CRKL: variants seen among roughly 807,000 people sequenced by gnomAD.
The protein encoded by CRKL is crk-like protein.
A neutral mutation model predicts 23.0 loss-of-function variants in CRKL; 3 were observed. The ratio of observed to expected loss-of-function variants is 0.13; its 90% CI spans 0.06 to 0.34. CRKL has a LOEUF of 0.34. Among genes scored for constraint, CRKL ranks in the 10% least tolerant of loss-of-function variants. The pLI, the probability that CRKL is intolerant of heterozygous loss-of-function variation, is 1.00. For missense variants in CRKL, 256 were observed against 394.5 expected (o/e 0.65, Z 2.97); for synonymous variants, 188 against 160.7 (o/e 1.17, Z -1.28).
At chr22:20,938,711 C>T (rs955901991) in intron 2 of CRKL, among the ~76,000 whole-genome samples, 5 of 152,124 alleles carry the variant, frequency 3.3e-5, no homozygotes, top group Admixed American at 3.3e-4. Context: ...ATTTGCATTC[C>T]AGTATGCTTT....
At chr22:20,944,881 CT>C (rs553010493) in intron 2 of CRKL, among the ~76,000 whole-genome samples, 5 of 150,496 alleles carry the variant, frequency 3.3e-5, no homozygotes, top group Middle Eastern at 3.5e-3. Context: ...GCCCAGCTAA[CT>C]TTTTTTTGTA....
intron 1 of CRKL, among the ~76,000 whole-genome samples, chr22:20,926,498 G>C (rs1328426058): frequency 6.6e-6 from 1 of 152,124 alleles, no homozygotes; most frequent in Admixed American, 6.6e-5. Context: ...ACAAGAGAAA[G>C]GGATTAGGGT....
rs546830765 is a variant in CRKL, at chr22:20,945,242, C to A, written c.778-4469C>A. On this transcript the variant is annotated intron_variant, in intron 2 of 2. Transcript: ENST00000354336. ...TCTCCTGACCTCCTGATCTGCCTGCCTCGGCCTCCCAAAGTGCTGGGATTA... is the reference window on the plus strand; with the variant it reads ...TCTCCTGACCTCCTGATCTGCCTGCATCGGCCTCCCAAAGTGCTGGGATTA... Among the ~76,000 whole-genome samples the A allele has an allele frequency of 1.3e-4, 20 of 152,184 alleles. 1 individual carries two copies. The South Asian group carries it at 4.1e-3, about 32-fold the overall frequency.
intron 1 of CRKL, among the ~76,000 whole-genome samples, chr22:20,927,530 T>TA (rs1431082544): frequency 6.7e-5 from 10 of 149,942 alleles, no homozygotes; most frequent in Admixed American, 4.0e-4. Context: ...TTTTTTTTTT[T>TA]AACTGTGAAA....
intron 2 of CRKL, among the ~76,000 whole-genome samples, chr22:20,949,338 G>C (rs951116054): frequency 6.6e-6 from 1 of 152,120 alleles, no homozygotes; most frequent in Non-Finnish European, 1.5e-5. Context: ...TGTTGCCCAG[G>C]CTGGTCTCGA....
rs1214280019 is a variant in CRKL, at chr22:20,923,725, C to T, written c.311+5480C>T. The stretch of plus-strand genomic sequence containing the variant: ...AAGTAGCTGGGACTACAGGCGCACG[C>T]GCTACCACACCTGGCTAATTTGTGT... On this transcript the variant is annotated intron_variant, in intron 1 of 2. Coordinates refer to ENST00000354336, the MANE Select transcript of CRKL (RefSeq NM_005207.4). 5.3e-5 allele frequency among the ~76,000 whole-genome samples: 8 copies of T among 151,840 alleles called. No homozygotes were observed. The South Asian group carries it at 6.2e-4, about 12-fold the overall frequency.
At chr22:20,941,536 T>TTGTGTGTGTGTG (rs1246252249) in intron 2 of CRKL, among the ~76,000 whole-genome samples, 3 of 80,692 alleles carry the variant, frequency 3.7e-5, no homozygotes, top group African/African-American at 1.2e-4. Flanking sequence ...TATATATATT[T>TTGTGTGTGTGTG]TATGTGTGTG....
At chr22:20,947,676 A>ATTTTTTTTTTTTTTTTTTTTTTTTTTT in intron 2 of CRKL, among the ~76,000 whole-genome samples, 1 of 90,528 alleles carries the variant, frequency 1.1e-5, no homozygotes, top group Non-Finnish European at 2.1e-5. Context: ...TCTTTTTTTC[A>ATTTTTTTTTTTTTTTTTTTTTTTTTTT]TTTTTTTTTT....
At chr22:20,944,496 C>T (rs553545564) in intron 2 of CRKL, among the ~76,000 whole-genome samples, 2 of 152,256 alleles carry the variant, frequency 1.3e-5, no homozygotes, top group South Asian at 2.1e-4. Context: ...CCTCCACCTC[C>T]CTGGTTCAAG....
At position 20,950,163 on chromosome 22, in the gene CRKL, G is replaced by C. The variant is rs537609450; in HGVS notation, c.*318G>C. ...CTCATTGCTGCCCGTTTGTACATGG[G>C]ACTGATTCTGTTGTGTTCACCAGAG... On this transcript the variant is annotated 3_prime_UTR_variant, in exon 3 of 3. Transcript: ENST00000354336. The C allele has an allele frequency of 1.4e-4, 49 of 340,710 alleles. No homozygotes were observed. The highest frequency in any genetic ancestry group is 1.0e-3 in the African/African-American group (47 of 47,024). 21.1% of individuals were successfully genotyped at this position (340,710 alleles called of 1,614,324 possible).
At chr22:20,949,604 A>G in intron 2 of CRKL, 107 bp from the exon 3 acceptor site, 1 of 1,463,226 alleles carries the variant, frequency 6.8e-7, no homozygotes, top group South Asian at 1.2e-5. Flanking sequence ...CCTGTGTCTA[A>G]ATAATAATGT....
In CRKL at chr22:20,951,650, C is replaced by T. The variant is rs1046071247; in HGVS notation, c.*1805C>T. ...TACTGATCATCTGCTGTGACTGTGG[C>T]CCTGTCTGGAGGTTCCTAGGTTTTG... On this transcript the variant is annotated 3_prime_UTR_variant, in exon 3 of 3. Transcript: ENST00000354336. The T allele has an allele frequency of 2.7e-5, 6 of 225,170 alleles. No individual in the cohort carries two copies. Among genetic ancestry groups the T allele is most frequent in the Non-Finnish European group, 5.3e-5 (6 of 113,084 alleles). The allele number at this position is 225,170 out of a possible 1,614,324, so 13.9% of individuals were successfully genotyped here.
chr22:20,920,143 G>C (rs575359549), intron 1 of CRKL, among the ~76,000 whole-genome samples: 113 of 152,160 alleles, frequency 7.4e-4, no homozygotes, highest in Middle Eastern at 3.4e-3. Flanking sequence ...TTAATACCAG[G>C]CATTCATTAA....
At chr22:20,929,375 C>A (rs977225451) in intron 1 of CRKL, among the ~76,000 whole-genome samples, 11 of 151,880 alleles carry the variant, frequency 7.2e-5, no homozygotes, top group Admixed American at 5.9e-4. Flanking sequence ...CTGTGTTAGC[C>A]AGGATGGTCT....
At position 20,933,628 on chromosome 22, in the gene CRKL, A is replaced by C. The variant is rs527814078; in HGVS notation, c.312-151A>C. The C allele has an allele frequency of 2.3e-5, 15 of 644,648 alleles. No homozygotes were observed. In the African/African-American group the frequency reaches 2.6e-4, roughly 11 times the overall value. The allele number at this position is 644,648 out of a possible 1,614,324, so 39.9% of individuals were successfully genotyped here. A position where few individuals can be genotyped will look rare whatever the true frequency, so the allele number is the denominator to read the frequency against. ...GTTTGCAGTGAGCTAAGATCACGCT[A>C]TTGCACTCCAGCCTGGGCGACAAGA... is the stretch of plus-strand genomic sequence containing the variant. On this transcript the variant is annotated intron_variant, in intron 1 of 2. Coordinates refer to ENST00000354336, the MANE Select transcript of CRKL (RefSeq NM_005207.4).
intron 1 of CRKL, among the ~76,000 whole-genome samples, chr22:20,922,193 T>G (rs1440976708): frequency 6.6e-6 from 1 of 151,648 alleles, no homozygotes; most frequent in Non-Finnish European, 1.5e-5. Flanking sequence ...CGGCTAATTT[T>G]TGTATTTTTA....
At chr22:20,921,918 C>T (rs1015577626) in intron 1 of CRKL, among the ~76,000 whole-genome samples, 2 of 150,966 alleles carry the variant, frequency 1.3e-5, no homozygotes, top group Non-Finnish European at 2.9e-5. Context: ...CCATGTTAGC[C>T]AGGATAGTCT....
chr22:20,949,181 C>T (rs559027400), intron 2 of CRKL, among the ~76,000 whole-genome samples: 7 of 152,106 alleles, frequency 4.6e-5, no homozygotes, highest in African/African-American at 7.2e-5. Flanking sequence ...TCTGGGGTGC[C>T]GTGGCACTAT....
At chr22:20,940,801 A>G (rs540915577) in intron 2 of CRKL, among the ~76,000 whole-genome samples, 1 of 152,120 alleles carries the variant, frequency 6.6e-6, no homozygotes, top group Non-Finnish European at 1.5e-5. Context: ...GGCCCATGGT[A>G]CAACTTCCTT....
Sources: allele counts gnomAD v4.1 joint callset (sites outside exome capture counted in the v4.1 genomes callset), GRCh38; gene constraint gnomAD v4.1.1; transcripts MANE v1.5; gene names NCBI Gene and HGNC (gene_info 2026-07-23, HGNC 2026-07-21).